ADGRL2: variants seen among roughly 807,000 people sequenced by gnomAD.
ADGRL2 encodes the protein calcium-independent alpha-latrotoxin receptor 2.
Under a neutral mutation model 157.4 loss-of-function variants are expected in ADGRL2, and 44 were observed. The observed-to-expected ratio is 0.28, with a 90% CI of 0.22 to 0.36. ADGRL2 has a LOEUF of 0.36. ADGRL2 is among the 10% of genes least tolerant of loss of function. The pLI, the probability that ADGRL2 is intolerant of heterozygous loss-of-function variation, is 1.00. For missense variants in ADGRL2, 1,510 were observed against 1,768.9 expected (o/e 0.85, Z 2.63); for synonymous variants, 585 against 624.7 (o/e 0.94, Z 0.95).
chr1:81,643,325 T>C (rs1262119046), intron 3 of ADGRL2, among the ~76,000 whole-genome samples: 1 of 152,164 alleles, frequency 6.6e-6, no homozygotes, highest in East Asian at 1.9e-4. Context: ...TGTTTGTTTG[T>C]TTTTTGAGAC....
chr1:81,832,303 A>C (rs1441197944), intron 1 of ADGRL2, among the ~76,000 whole-genome samples: 1 of 151,974 alleles, frequency 6.6e-6, no homozygotes, highest in Non-Finnish European at 1.5e-5. Context: ...CACCATGTCC[A>C]GCTAATTTTT....
chr1:81,911,566 T>C (rs2094722257), intron 3 of ADGRL2, among the ~76,000 whole-genome samples: 2 of 152,182 alleles, frequency 1.3e-5, no homozygotes, highest in Non-Finnish European at 2.9e-5. Flanking sequence ...TGCTCATTGT[T>C]ATCAAGGTAG....
chr1:81,421,079 C>T (rs1395874106), intron 1 of ADGRL2, among the ~76,000 whole-genome samples: 1 of 152,120 alleles, frequency 6.6e-6, no homozygotes, highest in African/African-American at 2.4e-5. Context: ...GCAAATATTC[C>T]ACAGTGGAAC....
intron 12 of ADGRL2, 91 bp from the exon 13 acceptor site, chr1:81,966,313 C>T: frequency 6.7e-7 from 1 of 1,503,264 alleles, no homozygotes; most frequent in South Asian, 1.2e-5. Context: ...TAAAACAGTG[C>T]CTTAGGACTT....
chr1:81,852,455 G>A (rs2093047506), intron 2 of ADGRL2, among the ~76,000 whole-genome samples: 1 of 152,044 alleles, frequency 6.6e-6, no homozygotes, highest in Admixed American at 6.6e-5. Flanking sequence ...TTAAAAAGCT[G>A]TATTCTGTAA....
At chr1:81,595,310 A>G (rs2081209820) in intron 3 of ADGRL2, among the ~76,000 whole-genome samples, 1 of 152,250 alleles carries the variant, frequency 6.6e-6, no homozygotes, top group African/African-American at 2.4e-5. Context: ...TTAGAGGACA[A>G]TTCTTAACTG....
chr1:81,593,571 T>A lies in ADGRL2; in HGVS notation c.-143+12591T>A, dbSNP rs544281467. On this transcript the variant is annotated intron_variant, in intron 3 of 24. Transcript: ENST00000370721. ...TGTGATCACTCACTTATCTACTATC[T>A]TATTTAAATGTAGCTTTTTCAGCGT... 1.5e-4 allele frequency among the ~76,000 whole-genome samples: 23 copies of A among 152,352 alleles called. No individual in the cohort carries two copies. In the South Asian group the frequency reaches 2.3e-3, roughly 15 times the overall value.
At chr1:81,636,874 C>T (rs143024453) in intron 3 of ADGRL2, among the ~76,000 whole-genome samples, 4 of 152,262 alleles carry the variant, frequency 2.6e-5, no homozygotes, top group African/African-American at 7.2e-5. Flanking sequence ...CTCCCTCTGT[C>T]GCCCAGATGG....
intron 2 of ADGRL2, among the ~76,000 whole-genome samples, chr1:81,848,999 C>T (rs959900924): frequency 6.6e-6 from 1 of 151,898 alleles, no homozygotes; most frequent in Non-Finnish European, 1.5e-5. Context: ...ACAGGAAGCT[C>T]GTTTAATCCT....
intron 3 of ADGRL2, among the ~76,000 whole-genome samples, chr1:81,935,513 T>G (rs540670618): frequency 2.6e-4 from 40 of 152,044 alleles, no homozygotes; most frequent in Middle Eastern, 3.4e-3. Flanking sequence ...TTCCTACCCA[T>G]CTTTAACATG....
At chr1:81,767,028 T>C (rs978697309) in intron 2 of ADGRL2, among the ~76,000 whole-genome samples, 1 of 152,052 alleles carries the variant, frequency 6.6e-6, no homozygotes. Flanking sequence ...TGCTTTTCTT[T>C]ATAATTTTAC....
chr1:81,501,295 T>C (rs2078840874), intron 2 of ADGRL2, among the ~76,000 whole-genome samples: 2 of 152,220 alleles, frequency 1.3e-5, no homozygotes, highest in Admixed American at 1.3e-4. Context: ...ACCAAGGACA[T>C]CTGAAGATTT....
chr1:81,316,516 T>C (rs775100352), intron 1 of ADGRL2, among the ~76,000 whole-genome samples: 25 of 152,224 alleles, frequency 1.6e-4, no homozygotes, highest in Non-Finnish European at 1.3e-4. Context: ...TTTATCATTT[T>C]CATAGCTTAT....
At chr1:81,643,229 T>G (rs1435797512) in intron 3 of ADGRL2, among the ~76,000 whole-genome samples, 1 of 152,182 alleles carries the variant, frequency 6.6e-6, no homozygotes, top group Non-Finnish European at 1.5e-5. Flanking sequence ...AATAAGTGAT[T>G]ATAGCAGGGT....
intron 21 of ADGRL2, 158 bp downstream of exon 21, chr1:81,985,513 A>G: frequency 6.2e-6 from 3 of 486,958 alleles, no homozygotes; most frequent in Admixed American, 3.7e-5. Context: ...CAGATTAAAA[A>G]TATTATCCTA....
At chr1:81,763,666 C>A (rs1232685350) in intron 2 of ADGRL2, among the ~76,000 whole-genome samples, 2 of 151,308 alleles carry the variant, frequency 1.3e-5, no homozygotes, top group African/African-American at 2.4e-5. Flanking sequence ...GAGCAGATCA[C>A]AAGTTCAGGA....
At chr1:81,713,795 G>C (rs753425064) in intron 1 of ADGRL2, among the ~76,000 whole-genome samples, 1 of 152,178 alleles carries the variant, frequency 6.6e-6, no homozygotes, top group Non-Finnish European at 1.5e-5. Flanking sequence ...TGAGGGGCTT[G>C]TCTCAAAAGC....
At chr1:81,802,548 T>A (rs2088401624) in intron 1 of ADGRL2, among the ~76,000 whole-genome samples, 1 of 152,112 alleles carries the variant, frequency 6.6e-6, no homozygotes, top group Non-Finnish European at 1.5e-5. Context: ...GGGGTTAGGA[T>A]GAGGCTCCCG....
intron 1 of ADGRL2, among the ~76,000 whole-genome samples, chr1:81,399,569 T>C (rs1164141444): frequency 6.6e-6 from 1 of 152,194 alleles, no homozygotes; most frequent in East Asian, 1.9e-4. Flanking sequence ...AGTCAGCTGC[T>C]GAAAATCTCT....
Sources: gnomAD v4.1 joint callset for allele counts (sites outside exome capture counted in the v4.1 genomes callset) on GRCh38, gnomAD v4.1.1 for gene constraint, MANE v1.5 for transcripts, NCBI Gene and HGNC (gene_info 2026-07-23, HGNC 2026-07-21) for gene names.